FUBP3: variants seen among roughly 807,000 people sequenced by gnomAD.
The protein encoded by FUBP3 is far upstream element binding protein 3, also known as far upstream element-binding protein 3.
A neutral mutation model predicts 85.6 loss-of-function variants in FUBP3; 28 were observed. The ratio of observed to expected loss-of-function variants is 0.33; its 90% CI spans 0.24 to 0.45. The LOEUF (loss-of-function observed/expected upper bound fraction) is 0.45. FUBP3 is among the 20% of genes least tolerant of loss of function. The probability of loss-of-function intolerance (pLI) is 1.00; values close to 1 mark genes in which losing one functional copy is unlikely to be tolerated. For missense variants in FUBP3, 583 were observed against 755.1 expected (o/e 0.77, Z 2.67); for synonymous variants, 271 against 271.4 (o/e 1.00, Z 0.01).
chr9:130,628,652 C>T (rs1182110889), intron 12 of FUBP3, among the ~76,000 whole-genome samples: 1 of 152,168 alleles, frequency 6.6e-6, no homozygotes, highest in East Asian at 1.9e-4. Context: ...CGCAGACACT[C>T]GTGTACTTGT....
intron 12 of FUBP3, 84 bp from the exon 13 acceptor site, chr9:130,630,544 T>C (rs1830169395): frequency 9.0e-7 from 1 of 1,106,614 alleles, no homozygotes; most frequent in Non-Finnish European, 1.3e-6. Flanking sequence ...CCCCCCGAGT[T>C]GTCTTCTGGA....
chr9:130,600,863 C>G (rs1831122429), intron 2 of FUBP3, among the ~76,000 whole-genome samples: 1 of 151,986 alleles, frequency 6.6e-6, no homozygotes, highest in African/African-American at 2.4e-5. Flanking sequence ...GCAGCCCCAG[C>G]TACTCAGGAG....
Position 130,612,397 on chromosome 9 carries a change from T to C in FUBP3, c.225-59T>C. 8.8e-7 allele frequency: 1 copy of C among 1,133,692 alleles called. No individual in the cohort carries two copies. The allele number at this position is 1,133,692 out of a possible 1,614,324, so 70.2% of individuals were successfully genotyped here. A position where few individuals can be genotyped will look rare whatever the true frequency, so the allele number is the denominator to read the frequency against. The stretch of plus-strand genomic sequence containing the variant: ...TGCCAGTATGGGCAGTTTGGGGACC[T>C]AAAATGGCTGCAAAAGTCTGTATTC... On this transcript the variant is annotated intron_variant, in intron 3 of 18. Transcript: ENST00000319725. This position sits in a 1 kb window ranked among gnomAD's most constrained non-coding sequence, Gnocchi z 4.1.
intron 1 of FUBP3, among the ~76,000 whole-genome samples, chr9:130,593,906 C>T (rs1038232635): frequency 1.3e-5 from 2 of 152,090 alleles, no homozygotes; most frequent in Admixed American, 6.6e-5. Flanking sequence ...TTCTGCATAC[C>T]ATTTGTTTCT....
intron 1 of FUBP3, among the ~76,000 whole-genome samples, chr9:130,585,943 A>G (rs1186990319): frequency 6.6e-6 from 1 of 152,196 alleles, no homozygotes. Context: ...TTATCTTAGA[A>G]TCATCCCAAT....
intron 2 of FUBP3, among the ~76,000 whole-genome samples, chr9:130,607,873 G>A (rs977376460): frequency 9.2e-5 from 14 of 152,108 alleles, no homozygotes; most frequent in African/African-American, 2.7e-4. Context: ...TCAGTGATGC[G>A]GCTCTCAGCA....
intron 17 of FUBP3, 143 bp downstream of exon 17, chr9:130,634,881 C>A: frequency 3.1e-6 from 2 of 649,806 alleles, no homozygotes; most frequent in Non-Finnish European, 5.4e-6. Context: ...CGTCCTCCAC[C>A]CTGTACCTGC....
chr9:130,604,669 A>G (rs1009034383), intron 2 of FUBP3, among the ~76,000 whole-genome samples: 3 of 152,226 alleles, frequency 2.0e-5, no homozygotes, highest in Non-Finnish European at 4.4e-5. Context: ...AGGCCAAGGC[A>G]GACAGATCAA....
At position 130,618,191 on chromosome 9, in the gene FUBP3, TG is replaced by T. The variant is rs567241656; in HGVS notation, c.666+298del. On this transcript the variant is annotated intron_variant, in intron 8 of 18. Coordinates refer to ENST00000319725, the MANE Select transcript of FUBP3 (RefSeq NM_003934.2). ...CACCTGAGGCTGGTGGTGACTGTTT[TG>T]GACTGTGTGTGTGCAGAACATTTCC... Among the ~76,000 whole-genome samples the T allele has an allele frequency of 1.3e-3, 202 of 152,358 alleles. 2 individuals are homozygous for T. The East Asian group carries it at 0.015, about 11-fold the overall frequency.
chr9:130,606,514 G>A (rs1465058483), intron 2 of FUBP3, among the ~76,000 whole-genome samples: 1 of 152,114 alleles, frequency 6.6e-6, no homozygotes. Flanking sequence ...GGTGGGAGTG[G>A]GGGTATAACT....
chr9:130,607,931 A>G (rs777865437), intron 2 of FUBP3, among the ~76,000 whole-genome samples: 5 of 152,244 alleles, frequency 3.3e-5, no homozygotes, highest in East Asian at 1.9e-4. Flanking sequence ...ATCTCTGGTC[A>G]TTATGAGTGC....
At chr9:130,600,831 C>T (rs1831120653) in intron 2 of FUBP3, among the ~76,000 whole-genome samples, 1 of 151,876 alleles carries the variant, frequency 6.6e-6, no homozygotes, top group African/African-American at 2.4e-5. Flanking sequence ...AGAAGATTAG[C>T]TGGGTGTGGT....
At chr9:130,606,540 G>A (rs957696291) in intron 2 of FUBP3, among the ~76,000 whole-genome samples, 3 of 152,054 alleles carry the variant, frequency 2.0e-5, no homozygotes, top group Non-Finnish European at 2.9e-5. Flanking sequence ...AGCTGATGTG[G>A]CCGGGCGCGG....
At chr9:130,604,298 A>C (rs1748851921) in intron 2 of FUBP3, among the ~76,000 whole-genome samples, 1 of 152,224 alleles carries the variant, frequency 6.6e-6, no homozygotes, top group African/African-American at 2.4e-5. Context: ...GTAGATAAGG[A>C]AACCAGTGTC....
In FUBP3 at chr9:130,592,662, G is replaced by A. The variant is rs369735141; in HGVS notation, c.85-2821G>A. ...CGGCTCAAGCAGTCCTCCTGCCTCA[G>A]CCTCCTGAGTAGCCGGGACTACAGG... On this transcript the variant is annotated intron_variant, in intron 1 of 18. Coordinates refer to ENST00000319725, the MANE Select transcript of FUBP3 (RefSeq NM_003934.2). Among the ~76,000 whole-genome samples the A allele has an allele frequency of 3.9e-5, 6 of 152,250 alleles. No homozygotes were observed. The East Asian group carries it at 9.6e-4, about 24-fold the overall frequency.
intron 1 of FUBP3, among the ~76,000 whole-genome samples, 160 bp downstream of exon 1, chr9:130,579,924 G>A (rs1030780351): frequency 6.6e-6 from 1 of 152,224 alleles, no homozygotes. Context: ...GGAGCCGGGG[G>A]GATAAGGCGC....
At chr9:130,583,783 G>T (rs984240429) in intron 1 of FUBP3, among the ~76,000 whole-genome samples, 1 of 152,158 alleles carries the variant, frequency 6.6e-6, no homozygotes. Flanking sequence ...TGGAAGTGCT[G>T]AACTTCATAC....
intron 13 of FUBP3, 92 bp from the exon 14 acceptor site, chr9:130,631,465 C>A: frequency 2.9e-6 from 4 of 1,364,650 alleles, no homozygotes; most frequent in Non-Finnish European, 3.1e-6. Context: ...CTCCATCTCC[C>A]CAAAAGCTGG....
At chr9:130,609,816 C>A in intron 2 of FUBP3, 138 bp from the exon 3 acceptor site, 1 of 687,858 alleles carries the variant, frequency 1.5e-6, no homozygotes, top group Non-Finnish European at 2.6e-6. Context: ...TTCATTTCAG[C>A]CACTGAGCCT....
Sources: allele counts gnomAD v4.1 joint callset (sites outside exome capture counted in the v4.1 genomes callset), GRCh38; gene constraint gnomAD v4.1.1; non-coding constraint Gnocchi (gnomAD v3.1); transcripts MANE v1.5; gene names NCBI Gene and HGNC (gene_info 2026-07-23, HGNC 2026-07-21).